CTNND2: variants seen among roughly 807,000 people sequenced by gnomAD.
CTNND2 encodes the protein catenin delta 2.
Under a neutral mutation model 144.4 loss-of-function variants are expected in CTNND2, and 22 were observed. The observed-to-expected ratio is 0.15, with a 90% CI of 0.11 to 0.22. The LOEUF (loss-of-function observed/expected upper bound fraction) is 0.22. Ranked by LOEUF, CTNND2 falls within the 10% of genes least tolerant of loss-of-function variation. The pLI is 1.00. For synonymous variants in CTNND2, 751 were observed against 695.6 expected (o/e 1.08, Z -1.25); for missense variants, 1,353 against 1,618.8 (o/e 0.84, Z 2.82).
chr5:11,118,569 C>T (rs1365700789), intron 12 of CTNND2, among the ~76,000 whole-genome samples: 1 of 152,186 alleles, frequency 6.6e-6, no homozygotes, highest in Non-Finnish European at 1.5e-5. Flanking sequence ...AGTCAGATAA[C>T]TTGCATATCC....
chr5:11,837,910 T>A (rs1187666357), intron 1 of CTNND2, among the ~76,000 whole-genome samples: 1 of 152,126 alleles, frequency 6.6e-6, no homozygotes, highest in Non-Finnish European at 1.5e-5. Flanking sequence ...AATGTATATA[T>A]TTTTGCTCTT....
chr5:11,675,161 C>T (rs1784109151), intron 2 of CTNND2, among the ~76,000 whole-genome samples: 1 of 151,982 alleles, frequency 6.6e-6, no homozygotes, highest in Non-Finnish European at 1.5e-5. Context: ...TAAACATTTA[C>T]TCAAAAAAGT....
intron 19 of CTNND2, among the ~76,000 whole-genome samples, chr5:10,992,239 GA>G (rs1738762935): frequency 6.6e-6 from 1 of 152,178 alleles, no homozygotes; most frequent in Non-Finnish European, 1.5e-5. Flanking sequence ...TTTTAAGTTG[GA>G]AAAATTGTCC....
intron 3 of CTNND2, among the ~76,000 whole-genome samples, chr5:11,537,421 T>G (rs1203276348): frequency 6.6e-6 from 1 of 152,178 alleles, no homozygotes; most frequent in Non-Finnish European, 1.5e-5. Context: ...GAGAAATTAG[T>G]GTTAAACATC....
intron 2 of CTNND2, among the ~76,000 whole-genome samples, chr5:11,641,476 T>TGTATATGTACATGCACACATATACAC (rs563834282): frequency 0.048 from 6,850 of 143,158 alleles, 335 homozygotes; most frequent in Non-Finnish European, 0.059. Flanking sequence ...CTTTTATGTA[T>TGTATATGTACATGCACACATATACAC]GTATATGTAC....
chr5:11,497,379 A>G (rs1009628176), intron 3 of CTNND2, among the ~76,000 whole-genome samples: 1 of 151,912 alleles, frequency 6.6e-6, no homozygotes, highest in Non-Finnish European at 1.5e-5. Context: ...TGGGTGCTGC[A>G]GGAAGGAGTA....
chr5:11,199,334 C>A (rs1737190170), intron 11 of CTNND2, 114 bp downstream of exon 11: 1 of 897,168 alleles, frequency 1.1e-6, no homozygotes, highest in African/African-American at 1.7e-5. Context: ...ATATTGAGAC[C>A]GCCTATGTTA....
intron 10 of CTNND2, among the ~76,000 whole-genome samples, chr5:11,206,985 T>C (rs1002827035): frequency 3.3e-5 from 5 of 152,170 alleles, no homozygotes; most frequent in Non-Finnish European, 5.9e-5. Context: ...TACTTCACAG[T>C]AGGAGATTTA....
chr5:11,249,641 C>A (rs1184870044), intron 9 of CTNND2, among the ~76,000 whole-genome samples: 1 of 151,946 alleles, frequency 6.6e-6, no homozygotes, highest in African/African-American at 2.4e-5. Context: ...TCATATTTAC[C>A]ATTCGTATTC....
intron 11 of CTNND2, among the ~76,000 whole-genome samples, chr5:11,172,824 G>T (rs1262498883): frequency 1.3e-5 from 2 of 152,194 alleles, no homozygotes; most frequent in Non-Finnish European, 2.9e-5. Context: ...AGGAAGGTCT[G>T]CGTGGAGAGA....
At chr5:11,572,428 G>C (rs1183059700) in intron 2 of CTNND2, among the ~76,000 whole-genome samples, 2 of 152,278 alleles carry the variant, frequency 1.3e-5, no homozygotes, top group South Asian at 4.1e-4. Context: ...AATACAGAGA[G>C]AAGTCCTTCT....
intron 16 of CTNND2, among the ~76,000 whole-genome samples, chr5:11,033,433 G>A (rs1404403183): frequency 2.6e-5 from 4 of 152,184 alleles, no homozygotes; most frequent in African/African-American, 9.7e-5. Flanking sequence ...ATTGGCTTAT[G>A]TAAACAAGTA....
intron 2 of CTNND2, among the ~76,000 whole-genome samples, chr5:11,678,223 G>A (rs557228871): frequency 4.5e-4 from 69 of 152,252 alleles, no homozygotes; most frequent in South Asian, 1.7e-3. Context: ...TCCACTTCCT[G>A]CCAACTGAAG....
At chr5:11,468,723 C>T (rs1766895979) in intron 3 of CTNND2, among the ~76,000 whole-genome samples, 1 of 151,930 alleles carries the variant, frequency 6.6e-6, no homozygotes, top group Admixed American at 6.6e-5. Flanking sequence ...ATTCAGTTTC[C>T]TCTAGTAACT....
At chr5:10,992,138 G>A (rs1296442360) in intron 19 of CTNND2, among the ~76,000 whole-genome samples, 1 of 152,096 alleles carries the variant, frequency 6.6e-6, no homozygotes, top group East Asian at 1.9e-4. Context: ...GGATGGTTTC[G>A]AACTCCCGAG....
intron 8 of CTNND2, among the ~76,000 whole-genome samples, chr5:11,357,633 T>C (rs1756028397): frequency 2.0e-5 from 3 of 152,040 alleles, no homozygotes; most frequent in Admixed American, 6.5e-5. Context: ...AGGGTGACTA[T>C]AGTTAACAGT....
chr5:11,695,391 T>C (rs1251810828), intron 2 of CTNND2, among the ~76,000 whole-genome samples: 1 of 152,148 alleles, frequency 6.6e-6, no homozygotes, highest in Non-Finnish European at 1.5e-5. Context: ...GTGTGGCTTG[T>C]GTATTGGTTT....
chr5:10,984,911 T>C (rs1737746199), intron 20 of CTNND2, among the ~76,000 whole-genome samples: 1 of 151,792 alleles, frequency 6.6e-6, no homozygotes, highest in Non-Finnish European at 1.5e-5. Flanking sequence ...CTGTCTCTAC[T>C]AAAAATATAA....
chr5:11,516,853 C>G (rs1426140110), intron 3 of CTNND2, among the ~76,000 whole-genome samples: 1 of 152,040 alleles, frequency 6.6e-6, no homozygotes, highest in Non-Finnish European at 1.5e-5. Flanking sequence ...TTTGGAAATG[C>G]AAGGACACAG....
Sources: allele counts gnomAD v4.1 joint callset (sites outside exome capture counted in the v4.1 genomes callset), GRCh38; gene constraint gnomAD v4.1.1; transcripts MANE v1.5; gene names NCBI Gene and HGNC (gene_info 2026-07-23, HGNC 2026-07-21).